The following OSBPL1A variants were observed in gnomAD, a reference collection of about 807,000 sequenced individuals.
The protein encoded by OSBPL1A is oxysterol-binding protein-related protein 1.
OSBPL1A carries 80 observed loss-of-function variants against 137.1 expected under a neutral mutation model. The ratio of observed to expected loss-of-function variants is 0.58; its 90% CI spans 0.49 to 0.70. OSBPL1A has a LOEUF of 0.70. OSBPL1A is among the 30% of genes least tolerant of loss of function. The probability of loss-of-function intolerance (pLI) is 0.00; values close to 1 mark genes in which losing one functional copy is unlikely to be tolerated. For synonymous variants in OSBPL1A, 365 were observed against 389.7 expected, an observed-to-expected ratio of 0.94 and a Z score of 0.75; for missense variants, 970 against 1,129.4, an observed-to-expected ratio of 0.86 and a Z score of 2.02.
intron 16 of OSBPL1A, among the ~76,000 whole-genome samples, chr18:24,234,812 A>G (rs987089137): frequency 6.6e-6 from 1 of 151,952 alleles, no homozygotes; most frequent in Non-Finnish European, 1.5e-5. Context: ...TTTTTTTTTC[A>G]TACCTTCTCA....
At chr18:24,175,534 G>A (rs946139207) in intron 21 of OSBPL1A, among the ~76,000 whole-genome samples, 1 of 151,986 alleles carries the variant, frequency 6.6e-6, no homozygotes, top group East Asian at 1.9e-4. Context: ...ATATATTGTG[G>A]CTACAAGTCC....
chr18:24,317,081 A>G (rs994170584), intron 11 of OSBPL1A, 68 bp downstream of exon 11: 16 of 1,488,978 alleles, frequency 1.1e-5, no homozygotes, highest in East Asian at 4.5e-5. Flanking sequence ...TGTATAAATG[A>G]TTTGGGTCAA....
chr18:24,206,546 C>A (rs959622586), intron 17 of OSBPL1A, among the ~76,000 whole-genome samples: 27 of 152,184 alleles, frequency 1.8e-4, no homozygotes, highest in African/African-American at 6.5e-4. Context: ...CTAATAAATC[C>A]CAAACAATTT....
intron 15 of OSBPL1A, among the ~76,000 whole-genome samples, chr18:24,255,939 C>T (rs947610045): frequency 2.6e-5 from 4 of 151,956 alleles, no homozygotes; most frequent in Admixed American, 1.3e-4. Flanking sequence ...GGATTACAGG[C>T]GTGCGCCACC....
At chr18:24,298,479 G>T (rs2090335558) in intron 14 of OSBPL1A, among the ~76,000 whole-genome samples, 1 of 152,162 alleles carries the variant, frequency 6.6e-6, no homozygotes, top group Non-Finnish European at 1.5e-5. Flanking sequence ...CCCAGTAGCT[G>T]GGACTATAGG....
Position 24,271,072 on chromosome 18 carries a change from T to G in OSBPL1A, c.1281+9770A>C, listed in dbSNP as rs565195429. The stretch of plus-strand genomic sequence containing the variant: ...AAAGCCTGTGAGTAATCAAAAATCC[T>G]TAATCAAAACATTAAAGTTAAAAGC... On this transcript the variant is annotated intron_variant, in intron 15 of 27. Coordinates refer to ENST00000319481, the MANE Select transcript of OSBPL1A (RefSeq NM_080597.4). This position sits in a 1 kb window ranked among gnomAD's most constrained non-coding sequence, Gnocchi z 4.0. Among the ~76,000 whole-genome samples the G allele has an allele frequency of 1.4e-4, 22 of 152,276 alleles. No homozygotes were observed. Among genetic ancestry groups the G allele is most frequent in the Non-Finnish European group, 2.6e-4 (18 of 68,016 alleles).
intron 11 of OSBPL1A, among the ~76,000 whole-genome samples, chr18:24,316,476 C>T (rs961635694): frequency 3.3e-5 from 5 of 152,058 alleles, no homozygotes; most frequent in African/African-American, 1.2e-4. Context: ...AGGAAAAAGA[C>T]ACCATGCGAA....
intron 14 of OSBPL1A, among the ~76,000 whole-genome samples, chr18:24,295,335 T>A (rs1037354283): frequency 6.6e-6 from 1 of 152,214 alleles, no homozygotes; most frequent in African/African-American, 2.4e-5. Context: ...GGATGCATAG[T>A]TTGCATATTT....
chr18:24,233,064 AAC>A (rs1413614491), intron 16 of OSBPL1A, among the ~76,000 whole-genome samples: 1 of 152,240 alleles, frequency 6.6e-6, no homozygotes, highest in African/African-American at 2.4e-5. Context: ...AAGGAAAATG[AAC>A]ACACAGTAAG....
chr18:24,207,284 A>C (rs1197342805), intron 17 of OSBPL1A, among the ~76,000 whole-genome samples: 1 of 152,154 alleles, frequency 6.6e-6, no homozygotes, highest in Non-Finnish European at 1.5e-5. Flanking sequence ...GGGTTTCACC[A>C]TATTGGCCAG....
At position 24,389,480 on chromosome 18, in the gene OSBPL1A, C is replaced by A. The variant is rs780635102; in HGVS notation, c.-3+8175G>T. Among the ~76,000 whole-genome samples, 266 of 152,242 alleles carry A rather than the reference C, an allele frequency of 1.7e-3. No homozygotes were observed. The Middle Eastern group carries it at 0.02, about 12-fold the overall frequency. ...TACTTGATAGTCTATGCCACTGAAT[C>A]CCCACTTAATATAGTAGATAAGTTC... On this transcript the variant is annotated intron_variant, in intron 1 of 27. Transcript: ENST00000319481.
rs140941355 is a variant in OSBPL1A, at chr18:24,330,038, G to T, written c.625+2904C>A. ...CTTAAATGTAACCTGGCTATGCCAAGCTTAAGGCACCTTTTTATCCTGAGG... is the reference window on the plus strand; with the variant it reads ...CTTAAATGTAACCTGGCTATGCCAATCTTAAGGCACCTTTTTATCCTGAGG... On this transcript the variant is annotated intron_variant, in intron 7 of 27. Coordinates refer to ENST00000319481, the MANE Select transcript of OSBPL1A (RefSeq NM_080597.4). Among the ~76,000 whole-genome samples the T allele has an allele frequency of 2.0e-3, 307 of 152,318 alleles. 2 individuals carry two copies. The highest frequency in any genetic ancestry group is 3.3e-3 in the Non-Finnish European group (225 of 68,026).
chr18:24,360,097 T>C lies in OSBPL1A; in HGVS notation c.282+6795A>G, dbSNP rs111406438. On this transcript the variant is annotated intron_variant, in intron 4 of 27. Coordinates refer to ENST00000319481, the MANE Select transcript of OSBPL1A (RefSeq NM_080597.4). ...ATTCTCCTGCCTCAGCCTCCTGAAG[T>C]AGCTGGGATTACAGGTACCCGACAC... is the stretch of plus-strand genomic sequence containing the variant. 6.6e-5 allele frequency among the ~76,000 whole-genome samples: 10 copies of C among 152,302 alleles called. 1 individual carries two copies. The highest frequency in any genetic ancestry group is 2.4e-4 in the African/African-American group (10 of 41,572).
At chr18:24,274,180 G>GC (rs1268154456) in intron 15 of OSBPL1A, among the ~76,000 whole-genome samples, 1 of 146,086 alleles carries the variant, frequency 6.8e-6, no homozygotes, top group African/African-American at 2.6e-5. Flanking sequence ...GTTGCAGTGA[G>GC]CCAAGACTGT....
intron 15 of OSBPL1A, among the ~76,000 whole-genome samples, chr18:24,258,832 A>C (rs924277496): frequency 2.0e-5 from 3 of 152,042 alleles, no homozygotes; most frequent in Non-Finnish European, 4.4e-5. Flanking sequence ...TAATATAATA[A>C]ATCTGTGTAA....
chr18:24,247,506 C>A (rs79195369), intron 15 of OSBPL1A, among the ~76,000 whole-genome samples: 1 of 152,162 alleles, frequency 6.6e-6, no homozygotes, highest in South Asian at 2.1e-4. Flanking sequence ...TACTCTGTCA[C>A]CCAGGCTAGA....
At chr18:24,275,673 G>A (rs1213913415) in intron 15 of OSBPL1A, among the ~76,000 whole-genome samples, 4 of 152,026 alleles carry the variant, frequency 2.6e-5, no homozygotes, top group Middle Eastern at 6.8e-3. Flanking sequence ...CCCTTCAGAC[G>A]GTTCCAATGT....
At chr18:24,339,214 T>C (rs189794504) in intron 5 of OSBPL1A, among the ~76,000 whole-genome samples, 161 of 151,954 alleles carry the variant, frequency 1.1e-3, no homozygotes, top group Non-Finnish European at 1.3e-3. Flanking sequence ...TCAAGTGATC[T>C]GCCCACCTCA....
rs777150088 is a variant in OSBPL1A, at chr18:24,333,048, A to G, written c.519T>C (p.Asp173=). The part of the protein sequence containing the change: ...RPNPPDVNCS[D]QLGNTPLHCA... Reference sequence around the variant, plus strand: ...AATGCAAGGGTGTATTTCCTAACTGATCCGAACAGTTAACATCAGGAGGAT... The same window carrying G: ...AATGCAAGGGTGTATTTCCTAACTGGTCCGAACAGTTAACATCAGGAGGAT... The change falls in exon 7 of 28, where the codon GAT becomes GAC. Residue 173 remains aspartate, a synonymous_variant. Transcript: ENST00000319481. 4 of 1,614,088 alleles carry G rather than the reference A, an allele frequency of 2.5e-6. No individual in the cohort carries two copies. The highest frequency in any genetic ancestry group is 3.4e-6 in the Non-Finnish European group (4 of 1,179,960).
Sources: allele counts gnomAD v4.1 joint callset (sites outside exome capture counted in the v4.1 genomes callset), GRCh38; gene constraint gnomAD v4.1.1; non-coding constraint Gnocchi (gnomAD v3.1); transcripts MANE v1.5; gene names NCBI Gene and HGNC (gene_info 2026-07-23, HGNC 2026-07-21).